CGREF1: variants seen among roughly 807,000 people sequenced by gnomAD.
CGREF1 encodes cell growth regulator with EF hand domain protein 1.
In CGREF1, 16 loss-of-function variants were observed where a neutral mutation model predicts 17.4. The observed-to-expected ratio is 0.92, with a 90% CI of 0.62 to 1.40. The LOEUF (loss-of-function observed/expected upper bound fraction) is 1.40. CGREF1 is among the 40% of genes most tolerant of loss of function. The pLI, the probability that CGREF1 is intolerant of heterozygous loss-of-function variation, is 0.00. For missense variants in CGREF1, 296 were observed against 376.4 expected, an observed-to-expected ratio of 0.79 and a Z score of 1.77; for synonymous variants, 142 against 154.6, an observed-to-expected ratio of 0.92 and a Z score of 0.61.
chr2:27,101,120 A>T lies in CGREF1; in HGVS notation c.*154T>A. ...TTATTGGTAATCTGCCCCTTAACTTAGGGTCTCCCTGAGCTGCACAGAAAG... is the reference window on the plus strand; with the variant it reads ...TTATTGGTAATCTGCCCCTTAACTTTGGGTCTCCCTGAGCTGCACAGAAAG... On this transcript the variant is annotated 3_prime_UTR_variant, in exon 6 of 6. Transcript: ENST00000402394. 7.1e-7 allele frequency: 1 copy of T among 1,402,990 alleles called. No individual in the cohort carries two copies. Among genetic ancestry groups the T allele is most frequent in the Non-Finnish European group, 9.2e-7 (1 of 1,085,616 alleles). 86.9% of individuals were successfully genotyped at this position (1,402,990 alleles called of 1,614,324 possible).
chr2:27,112,511 A>C (rs887624117), intron 1 of CGREF1, among the ~76,000 whole-genome samples: 1 of 152,248 alleles, frequency 6.6e-6, no homozygotes, highest in Non-Finnish European at 1.5e-5. Context: ...TTCTGGAACT[A>C]TAAACCTGAA....
At position 27,101,110 on chromosome 2, in the gene CGREF1, C is replaced by T; in HGVS notation, c.*164G>A. 1 of 1,390,382 alleles carries T rather than the reference C, an allele frequency of 7.2e-7. No homozygotes were observed. 86.1% of individuals were successfully genotyped at this position (1,390,382 alleles called of 1,614,324 possible). A position where few individuals can be genotyped will look rare whatever the true frequency, so the allele number is the denominator to read the frequency against. On this transcript the variant is annotated 3_prime_UTR_variant, in exon 6 of 6. Coordinates refer to ENST00000402394, the MANE Select transcript of CGREF1 (RefSeq NM_006569.6). Reference sequence around the variant, plus strand: ...ATTCAGTTCTTTATTGGTAATCTGCCCCTTAACTTAGGGTCTCCCTGAGCT... The same window carrying T: ...ATTCAGTTCTTTATTGGTAATCTGCTCCTTAACTTAGGGTCTCCCTGAGCT...
intron 1 of CGREF1, among the ~76,000 whole-genome samples, chr2:27,116,710 C>T (rs1671576659): frequency 6.6e-6 from 1 of 150,570 alleles, no homozygotes; most frequent in Non-Finnish European, 1.5e-5. Context: ...GCTGGGATTA[C>T]AGGCATGTGC....
intron 1 of CGREF1, among the ~76,000 whole-genome samples, chr2:27,115,376 A>G (rs1671533236): frequency 6.6e-6 from 1 of 152,166 alleles, no homozygotes; most frequent in Admixed American, 6.5e-5. Context: ...AGCCAGACCT[A>G]CTTTTAAACC....
At position 27,101,861 on chromosome 2, in the gene CGREF1, C is replaced by T. The variant is rs770333725; in HGVS notation, c.370G>A (p.Glu124Lys). Residue 124 changes from glutamate (E) to lysine (K), a missense_variant, in exon 6 of 6, where the codon GAG (glutamate) becomes AAG (lysine). By Grantham distance (56) the Glu-to-Lys change is moderately conservative. This residue lies in a region of CGREF1 where 247 missense variants were observed against 267.2 expected (regional missense o/e 0.92). Transcript: ENST00000402394. ...PVILIVDKVL[E>K]TQDLNGDGLM... ...CCATCCCCATTCAGGTCCTGGGTCT[C>T]GAGCACTTTGTCCACTATCAAGATC... is the stretch of plus-strand genomic sequence containing the variant. 22 of 1,613,200 alleles carry T rather than the reference C, an allele frequency of 1.4e-5. No homozygotes were observed. The African/African-American group carries it at 1.5e-4, about 11-fold the overall frequency.
chr2:27,105,084 A>G (rs549535219), intron 1 of CGREF1, among the ~76,000 whole-genome samples: 1 of 152,360 alleles, frequency 6.6e-6, no homozygotes, highest in Non-Finnish European at 1.5e-5. Context: ...ACTTGAGTAT[A>G]TGAAAACAGT....
intron 1 of CGREF1, among the ~76,000 whole-genome samples, chr2:27,115,194 G>T (rs1003210640): frequency 2.0e-5 from 3 of 152,146 alleles, no homozygotes; most frequent in Admixed American, 2.0e-4. Context: ...ATGCTCTGTT[G>T]TCACTATCTT....
intron 1 of CGREF1, among the ~76,000 whole-genome samples, chr2:27,114,780 G>A (rs1671513843): frequency 6.6e-6 from 1 of 152,154 alleles, no homozygotes; most frequent in South Asian, 2.1e-4. Flanking sequence ...AGGGGAGAGA[G>A]CCAAGCTCCG....
At chr2:27,105,477 G>C (rs1671082836) in intron 1 of CGREF1, among the ~76,000 whole-genome samples, 1 of 152,184 alleles carries the variant, frequency 6.6e-6, no homozygotes, top group African/African-American at 2.4e-5. Flanking sequence ...TACCTTAAGG[G>C]AAAACTAGCT....
intron 1 of CGREF1, among the ~76,000 whole-genome samples, chr2:27,107,721 T>G (rs1412051993): frequency 2.7e-5 from 4 of 148,338 alleles, no homozygotes; most frequent in Middle Eastern, 3.6e-3. Flanking sequence ...GATCACGAGG[T>G]CAGGTGATTG....
chr2:27,114,791 G>A (rs1231064485), intron 1 of CGREF1, among the ~76,000 whole-genome samples: 4 of 152,154 alleles, frequency 2.6e-5, no homozygotes, highest in African/African-American at 4.8e-5. Context: ...CCAAGCTCCG[G>A]ATAATTCTAA....
chr2:27,104,057 T>A (rs537387087), intron 2 of CGREF1, among the ~76,000 whole-genome samples: 1 of 152,176 alleles, frequency 6.6e-6, no homozygotes, highest in African/African-American at 2.4e-5. Flanking sequence ...TTCTTCACGA[T>A]GCACTGGAGC....
At chr2:27,099,358 C>A, downstream of CGREF1, 2 of 1,612,300 alleles carry the variant, frequency 1.2e-6, no homozygotes. Context: ...CGCCCTGGAG[C>A]TGGGAGGATG....
intron 2 of CGREF1, chr2:27,103,053 G>C: frequency 1.0e-6 from 1 of 985,362 alleles, no homozygotes; most frequent in East Asian, 1.1e-4. Flanking sequence ...ACTTTTTCCA[G>C]GACAGGGTGT....
downstream of CGREF1, chr2:27,100,357 A>T: frequency 8.8e-7 from 1 of 1,141,394 alleles, no homozygotes; most frequent in Non-Finnish European, 1.2e-6. Flanking sequence ...TTCATTGTCC[A>T]GAAATACCTC....
At chr2:27,115,732 C>T (rs575431359) in intron 1 of CGREF1, among the ~76,000 whole-genome samples, 291 of 152,336 alleles carry the variant, frequency 1.9e-3, no homozygotes, top group African/African-American at 6.7e-3. Context: ...TATCAAGTTA[C>T]TGTTGACTCA....
chr2:27,104,272 T>G lies in CGREF1; in HGVS notation c.80+15A>C. The G allele has an allele frequency of 6.5e-7, 1 of 1,543,354 alleles. No homozygotes were observed. Among genetic ancestry groups the G allele is most frequent in the Non-Finnish European group, 8.7e-7 (1 of 1,146,060 alleles). ...CTCCTCCCAGCCCTTGGCCCTGCCC[T>G]CATAACCCTGTTACCTTGTGACTCC... On this transcript the variant is annotated intron_variant, in intron 2 of 5. Transcript: ENST00000402394.
intron 1 of CGREF1, among the ~76,000 whole-genome samples, chr2:27,109,113 T>A (rs539590083): frequency 6.6e-6 from 1 of 152,278 alleles, no homozygotes; most frequent in East Asian, 1.9e-4. Flanking sequence ...TTCGTGCCTG[T>A]AATCCCAGCA....
At chr2:27,115,287 C>T (rs62128704) in intron 1 of CGREF1, among the ~76,000 whole-genome samples, 11 of 152,166 alleles carry the variant, frequency 7.2e-5, no homozygotes, top group Admixed American at 1.3e-4. Flanking sequence ...CTATCACTCT[C>T]CTCTTCTTGG....
Sources: gnomAD v4.1 joint callset for allele counts (sites outside exome capture counted in the v4.1 genomes callset) on GRCh38, gnomAD v4.1.1 for gene constraint, gnomAD v4.1.1 regional missense constraint, MANE v1.5 for transcripts, NCBI Gene and HGNC (gene_info 2026-07-23, HGNC 2026-07-21) for gene names.